RDX: variants seen among roughly 807,000 people sequenced by gnomAD.
RDX encodes the protein deafness, autosomal recessive 24.
Under a neutral mutation model 83.7 loss-of-function variants are expected in RDX, and 32 were observed. That is an observed-to-expected ratio of 0.38 (90% confidence interval 0.29 to 0.51). RDX has a LOEUF of 0.51. Ranked by LOEUF, RDX falls within the 20% of genes least tolerant of loss-of-function variation. RDX has a pLI of 0.87. For missense variants in RDX, 600 were observed against 689.9 expected (o/e 0.87, Z 1.46); for synonymous variants, 229 against 222.7 (o/e 1.03, Z -0.25).
intron 8 of RDX, among the ~76,000 whole-genome samples, chr11:110,254,587 T>C (rs933967927): frequency 1.3e-4 from 20 of 151,972 alleles, no homozygotes; most frequent in Middle Eastern, 3.2e-3. Context: ...GAAATTCTCA[T>C]GTCTCAGCCT....
chr11:110,209,126 T>C (rs1863716163), intron 14 of RDX, among the ~76,000 whole-genome samples: 1 of 152,100 alleles, frequency 6.6e-6, no homozygotes, highest in South Asian at 2.1e-4. Flanking sequence ...GGTCAGTGGA[T>C]GCGCGCACCG....
intron 12 of RDX, among the ~76,000 whole-genome samples, chr11:110,235,863 A>C (rs974615608): frequency 2.0e-5 from 3 of 152,240 alleles, no homozygotes; most frequent in Non-Finnish European, 4.4e-5. Context: ...TTCAAGACCC[A>C]GCTTAAATGT....
chr11:110,268,734 A>G (rs1286898274), intron 3 of RDX, among the ~76,000 whole-genome samples: 2 of 152,068 alleles, frequency 1.3e-5, no homozygotes, highest in African/African-American at 4.8e-5. Flanking sequence ...CTGTCTCCCC[A>G]GTGGTTCTCT....
At chr11:110,236,049 C>A in intron 12 of RDX, 50 bp downstream of exon 12, 2 of 1,290,340 alleles carry the variant, frequency 1.5e-6, no homozygotes, top group Non-Finnish European at 2.3e-6. Flanking sequence ...CAGCATAATC[C>A]TGGGTATAAA....
chr11:110,286,040 T>C (rs1376729061), intron 1 of RDX, among the ~76,000 whole-genome samples: 2 of 141,102 alleles, frequency 1.4e-5, no homozygotes, highest in Non-Finnish European at 3.2e-5. Flanking sequence ...ATTTACTCCC[T>C]CCTCCCCACT....
At chr11:110,242,829 G>T (rs1280944226) in intron 10 of RDX, among the ~76,000 whole-genome samples, 1 of 150,870 alleles carries the variant, frequency 6.6e-6, no homozygotes, top group Admixed American at 6.6e-5. Flanking sequence ...ACAGGAGTTA[G>T]CAAACTATGG....
At chr11:110,221,288 C>A (rs1291888887) in intron 14 of RDX, among the ~76,000 whole-genome samples, 1 of 151,954 alleles carries the variant, frequency 6.6e-6, no homozygotes, top group Non-Finnish European at 1.5e-5. Flanking sequence ...ACTTGTGGTG[C>A]AAGAAAATCA....
rs185572755 is a variant in RDX, at chr11:110,201,308, G to C, written c.1749-1630C>G. Reference sequence around the variant, plus strand: ...TTTATGTAGATTTAGACTCATAAAGGAGCAGAGAGAGCAAAGGAAGAGAAT... The same window carrying C: ...TTTATGTAGATTTAGACTCATAAAGCAGCAGAGAGAGCAAAGGAAGAGAAT... On this transcript the variant is annotated intron_variant, in intron 14 of 15. Coordinates refer to the RDX transcript ENST00000528498. Among the ~76,000 whole-genome samples, 1,001 of 152,200 alleles carry C rather than the reference G, an allele frequency of 6.6e-3. 19 individuals carry two copies. Among genetic ancestry groups the C allele is most frequent in the African/African-American group, 0.021 (887 of 41,528 alleles).
chr11:110,180,143 C>G (rs1311044474), intron 15 of RDX, among the ~76,000 whole-genome samples: 1 of 152,106 alleles, frequency 6.6e-6, no homozygotes, highest in East Asian at 1.9e-4. Flanking sequence ...CTCAAGTGAT[C>G]TACCTGCCTT....
intron 10 of RDX, among the ~76,000 whole-genome samples, chr11:110,244,738 C>A (rs779932413): frequency 6.6e-6 from 1 of 151,954 alleles, no homozygotes; most frequent in Non-Finnish European, 1.5e-5. Flanking sequence ...AGCTATATCT[C>A]AACAAAGCTA....
At chr11:110,205,186 C>A (rs1863556865) in intron 14 of RDX, among the ~76,000 whole-genome samples, 1 of 151,314 alleles carries the variant, frequency 6.6e-6, no homozygotes, top group African/African-American at 2.4e-5. Flanking sequence ...GTCATCTAGA[C>A]AAAAAAATAA....
At chr11:110,255,573 C>G (rs1429127458) in intron 7 of RDX, among the ~76,000 whole-genome samples, 188 bp from the exon 8 acceptor site, 8 of 152,076 alleles carry the variant, frequency 5.3e-5, no homozygotes, top group Non-Finnish European at 1.2e-4. Context: ...AAACAAACAA[C>G]TGTCCAAAGA....
At chr11:110,295,760 G>C (rs1385411891) in intron 1 of RDX, among the ~76,000 whole-genome samples, 1 of 152,214 alleles carries the variant, frequency 6.6e-6, no homozygotes, top group Non-Finnish European at 1.5e-5. Flanking sequence ...GGTGGGGTCT[G>C]AGACACTAAA....
At chr11:110,272,852 T>C in intron 2 of RDX, 4 of 537,054 alleles carry the variant, frequency 7.4e-6, no homozygotes, top group Non-Finnish European at 1.4e-5. Context: ...GCCCTTGCTA[T>C]AATACTAGGA....
chr11:110,209,226 C>T (rs1337490473), intron 14 of RDX, among the ~76,000 whole-genome samples: 4 of 152,160 alleles, frequency 2.6e-5, no homozygotes, highest in South Asian at 4.1e-4. Flanking sequence ...AAAGGGGTGA[C>T]GGACGGCACC....
intron 8 of RDX, 140 bp from the exon 9 acceptor site, chr11:110,254,249 A>C: frequency 1.3e-6 from 1 of 745,244 alleles, no homozygotes; most frequent in African/African-American, 1.8e-5. Flanking sequence ...ATACAATTTC[A>C]TAACTCCCAG....
At chr11:110,265,109 GT>G (rs71053876) in intron 3 of RDX, among the ~76,000 whole-genome samples, 58 of 90,670 alleles carry the variant, frequency 6.4e-4, no homozygotes, top group South Asian at 3.4e-3. Context: ...TTTTTTTTTT[GT>G]TTTTTTTTTT....
At chr11:110,277,998 T>C (rs60150603) in intron 2 of RDX, among the ~76,000 whole-genome samples, 6,864 of 152,286 alleles carry the variant, frequency 0.045, 521 homozygotes, top group African/African-American at 0.16. Flanking sequence ...TCAATGTTCA[T>C]GTTTTTCTGT....
chr11:110,266,672 A>C (rs1860062706), intron 3 of RDX, among the ~76,000 whole-genome samples: 1 of 152,048 alleles, frequency 6.6e-6, no homozygotes, highest in Admixed American at 6.5e-5. Context: ...GGCTGAAGCA[A>C]TCCTCCTGCC....
Sources: allele counts gnomAD v4.1 joint callset (sites outside exome capture counted in the v4.1 genomes callset), GRCh38; gene constraint gnomAD v4.1.1; transcripts MANE v1.5; gene names NCBI Gene and HGNC (gene_info 2026-07-23, HGNC 2026-07-21).